Variants in MYOM1 observed in about 807,000 individuals in gnomAD.
The protein encoded by MYOM1 is myomesin-1.
MYOM1 carries 164 observed loss-of-function variants against 205.3 expected under a neutral mutation model. The observed-to-expected ratio is 0.80, with a 90% CI of 0.70 to 0.91. The LOEUF (loss-of-function observed/expected upper bound fraction) is 0.91, where lower values mean the gene tolerates loss of function less well. Among genes scored for constraint, MYOM1 ranks in the 40% least tolerant of loss-of-function variants. The pLI is 0.00. For missense variants in MYOM1, 2,011 were observed against 2,127.3 expected (o/e 0.95, Z 1.08); for synonymous variants, 772 against 789.4 (o/e 0.98, Z 0.37).
intron 21 of MYOM1, among the ~76,000 whole-genome samples, chr18:3,113,772 A>G (rs1259785383): frequency 6.6e-6 from 1 of 152,202 alleles, no homozygotes; most frequent in Non-Finnish European, 1.5e-5. Flanking sequence ...AATTTATTAC[A>G]CAGAGGGCAT....
rs1048019031 is a variant in MYOM1, at chr18:3,102,714, A to G, written c.3419-84T>C. 4.1e-6 allele frequency: 6 copies of G among 1,447,842 alleles called. No homozygotes were observed. In the South Asian group the frequency reaches 7.7e-5, roughly 19 times the overall value. The allele number at this position is 1,447,842 out of a possible 1,614,324, so 89.7% of individuals were successfully genotyped here. ...TTGTTACCTTGAGATTCTTTACTTT[A>G]ACCCTAAAGTAGGGCCCTGATCCTA... On this transcript the variant is annotated intron_variant, in intron 22 of 37. Transcript: ENST00000356443.
intron 8 of MYOM1, among the ~76,000 whole-genome samples, chr18:3,172,570 C>T (rs1478616909): frequency 4.0e-5 from 6 of 151,822 alleles, no homozygotes; most frequent in Admixed American, 6.6e-5. Flanking sequence ...AATGCAGTGG[C>T]GTGATCTCGG....
At chr18:3,099,687 G>C (rs1349602657) in intron 25 of MYOM1, among the ~76,000 whole-genome samples, 1 of 152,180 alleles carries the variant, frequency 6.6e-6, no homozygotes, top group African/African-American at 2.4e-5. Flanking sequence ...TCTGACGAAG[G>C]CATGTTTGCC....
At chr18:3,162,882 C>T (rs1239994740) in intron 10 of MYOM1, among the ~76,000 whole-genome samples, 1 of 151,928 alleles carries the variant, frequency 6.6e-6, no homozygotes, top group Non-Finnish European at 1.5e-5. Context: ...AAAAATTAGC[C>T]GGGCATGGTG....
At chr18:3,233,834 G>T in the MYOM1 span, among the ~76,000 whole-genome samples, 1 of 152,204 alleles carries the variant, frequency 6.6e-6, no homozygotes, top group Non-Finnish European at 1.5e-5. Context: ...AGACCATACA[G>T]ACTCTTTTTC....
intron 19 of MYOM1, among the ~76,000 whole-genome samples, chr18:3,122,340 T>C (rs2079707563): frequency 6.6e-6 from 1 of 151,926 alleles, no homozygotes; most frequent in Non-Finnish European, 1.5e-5. Context: ...CTACATACCA[T>C]GCAAAAGTCA....
intron 36 of MYOM1, 108 bp downstream of exon 36, chr18:3,075,346 A>G: frequency 9.0e-7 from 1 of 1,113,452 alleles, no homozygotes; most frequent in Admixed American, 2.3e-5. Context: ...TAAAAAAGAA[A>G]AAAACCACTT....
chr18:3,131,434 G>A lies in MYOM1; in HGVS notation c.2447C>T (p.Ala816Val), dbSNP rs373933983. ...SYIFRVRAVNAAGLSEYSQDS... is the reference protein window; with the variant it reads ...SYIFRVRAVNVAGLSEYSQDS... ...CTGGGAATATTCACTAAGTCCAGCT[G>A]CATTGACTGCTCTGACCCGGAAAAT... Residue 816 changes from alanine (A) to valine (V), a missense_variant, in exon 17 of 38, where the codon GCA becomes GTA. By Grantham distance (64) the Ala-to-Val change is moderately conservative (BLOSUM62 0). Transcript: ENST00000356443. 1 of 1,613,840 alleles carries A rather than the reference G, an allele frequency of 6.2e-7. No individual in the cohort carries two copies. The highest frequency in any genetic ancestry group is 8.5e-7 in the Non-Finnish European group (1 of 1,179,784).
Position 3,067,108 on chromosome 18 carries a change from G to T in MYOM1, c.*154C>A. ...AAGAAAAACAATTAAAGTGTCATTA[G>T]TTGGTGCTTTTTTATATGAGTGAAA... On this transcript the variant is annotated 3_prime_UTR_variant, in exon 38 of 38. Transcript: ENST00000356443. 1 of 756,560 alleles carries T rather than the reference G, an allele frequency of 1.3e-6. No individual in the cohort carries two copies. The highest frequency in any genetic ancestry group is 2.1e-6 in the Non-Finnish European group (1 of 480,046). The allele number at this position is 756,560 out of a possible 1,614,324, so 46.9% of individuals were successfully genotyped here.
At chr18:3,084,143 G>T in intron 31 of MYOM1, 116 bp from the exon 32 acceptor site, 2 of 1,107,282 alleles carry the variant, frequency 1.8e-6, no homozygotes, top group Non-Finnish European at 2.7e-6. Flanking sequence ...ATGGAAACAA[G>T]GTGAATTTGT....
At chr18:3,204,591 G>A (rs868005107) in intron 2 of MYOM1, among the ~76,000 whole-genome samples, 71 of 151,870 alleles carry the variant, frequency 4.7e-4, no homozygotes, top group African/African-American at 1.6e-3. Flanking sequence ...AAATAAATAA[G>A]TATTTCATGT....
intron 19 of MYOM1, among the ~76,000 whole-genome samples, chr18:3,126,274 A>G: frequency 6.6e-6 from 1 of 151,486 alleles, no homozygotes; most frequent in Non-Finnish European, 1.5e-5. Flanking sequence ...CAAAAAAAAA[A>G]AAAAAAAAAG....
rs191475431 is a variant in MYOM1 at position 3,148,132 on chromosome 18, G to A, written c.1900+1013C>T. ...CAAGTGGAACTCTCACGTAGGGCTG[G>A]AGGGGAAGGGAACGTGGTACAATCA... is the stretch of plus-strand genomic sequence containing the variant. On this transcript the variant is annotated intron_variant, in intron 13 of 37. Coordinates refer to ENST00000356443, the MANE Select transcript of MYOM1 (RefSeq NM_003803.4). Among the ~76,000 whole-genome samples, 511 of 152,326 alleles carry A rather than the reference G, an allele frequency of 3.4e-3. 3 individuals are homozygous for A. The highest frequency in any genetic ancestry group is 5.6e-3 in the Non-Finnish European group (382 of 68,032).
rs35959808 is a variant in MYOM1 at position 3,083,427 on chromosome 18, C to CTTTTTT, written c.4484+356_4484+361dup. 2.5e-3 allele frequency among the ~76,000 whole-genome samples: 244 copies of CTTTTTT among 98,530 alleles called. 1 individual carries two copies. Among genetic ancestry groups the CTTTTTT allele is most frequent in the African/African-American group, 4.2e-3 (99 of 23,836 alleles). 64.6% of individuals were successfully genotyped at this position (98,530 alleles called of 152,430 possible). A position where few individuals can be genotyped will look rare whatever the true frequency, so the allele number is the denominator to read the frequency against. Reference sequence around the variant, plus strand: ...TCTTTTCTTTTTTCTTTTTCTTTTTCTTTTTTTTTTTTTTTTTTTGAGACA... The same window carrying CTTTTTT: ...TCTTTTCTTTTTTCTTTTTCTTTTTCTTTTTTTTTTTTTTTTTTTTTTTTTGAGACA... On this transcript the variant is annotated intron_variant, in intron 33 of 37. Transcript: ENST00000356443.
intron 36 of MYOM1, 113 bp from the exon 37 acceptor site, chr18:3,072,002 CT>C (rs2078963641): frequency 2.2e-6 from 2 of 901,546 alleles, no homozygotes; most frequent in Admixed American, 2.0e-5. Context: ...CCTGATAGTT[CT>C]TTTATACAGT....
chr18:3,099,920 G>A (rs1021551740), intron 25 of MYOM1, among the ~76,000 whole-genome samples: 20 of 152,126 alleles, frequency 1.3e-4, no homozygotes, highest in African/African-American at 4.6e-4. Context: ...CTGACACTTC[G>A]CCATGTAATG....
At chr18:3,137,667 G>T (rs1054109351) in intron 14 of MYOM1, among the ~76,000 whole-genome samples, 1 of 152,178 alleles carries the variant, frequency 6.6e-6, no homozygotes, top group African/African-American at 2.4e-5. Flanking sequence ...GCTGGGAAGG[G>T]TTGGGGGTGG....
chr18:3,202,467 A>C (rs985747927), intron 2 of MYOM1, among the ~76,000 whole-genome samples: 6 of 152,296 alleles, frequency 3.9e-5, no homozygotes, highest in African/African-American at 1.4e-4. Flanking sequence ...TTAAAGACAC[A>C]TTTGTTAGTA....
At chr18:3,079,432 T>C in intron 33 of MYOM1, 90 bp from the exon 34 acceptor site, 1 of 1,386,460 alleles carries the variant, frequency 7.2e-7, no homozygotes, top group Non-Finnish European at 9.6e-7. Flanking sequence ...TGCCATAAAG[T>C]TTTGTAGGCT....
Sources: allele counts gnomAD v4.1 joint callset (sites outside exome capture counted in the v4.1 genomes callset), GRCh38; gene constraint gnomAD v4.1.1; transcripts MANE v1.5; gene names NCBI Gene and HGNC (gene_info 2026-07-23, HGNC 2026-07-21).